The following PTPRD variants were observed in gnomAD, a reference collection of about 807,000 sequenced individuals.
PTPRD encodes the protein protein tyrosine phosphatase receptor type D.
A neutral mutation model predicts 214.5 loss-of-function variants in PTPRD; 34 were observed. The ratio of observed to expected loss-of-function variants is 0.16; its 90% confidence interval spans 0.12 to 0.21. The LOEUF is 0.21. Ranked by LOEUF, PTPRD falls within the 10% of genes least tolerant of loss-of-function variation. The pLI is 1.00. For synonymous variants in PTPRD, 1,128 were observed against 845.7 expected (o/e 1.33, Z -5.79); for missense variants, 2,545 against 2,398.7 (o/e 1.06, Z -1.27).
At chr9:9,140,137 A>G (rs1213013322) in intron 10 of PTPRD, among the ~76,000 whole-genome samples, 1 of 152,092 alleles carries the variant, frequency 6.6e-6, no homozygotes, top group African/African-American at 2.4e-5. Flanking sequence ...ACTATTAGGA[A>G]CTAAAGAAAA....
chr9:8,370,237 CAT>C (rs977579355), intron 39 of PTPRD, among the ~76,000 whole-genome samples: 67 of 44,540 alleles, frequency 1.5e-3, no homozygotes, highest in African/African-American at 2.5e-3. Flanking sequence ...CACACACACA[CAT>C]ATATATATAT....
intron 2 of PTPRD, among the ~76,000 whole-genome samples, chr9:10,429,267 A>T (rs922121357): frequency 6.6e-6 from 1 of 151,940 alleles, no homozygotes; most frequent in African/African-American, 2.4e-5. Context: ...TATGGAAAAA[A>T]AGTATGAAGA....
At chr9:8,858,816 C>CACACACACACACACAT (rs2098022979) in intron 11 of PTPRD, among the ~76,000 whole-genome samples, 1 of 146,482 alleles carries the variant, frequency 6.8e-6, no homozygotes, top group Non-Finnish European at 1.5e-5. Flanking sequence ...CACACACACA[C>CACACACACACACACAT]ACACACACAC....
chr9:9,797,011 A>C (rs141398171), intron 5 of PTPRD, among the ~76,000 whole-genome samples: 180 of 152,280 alleles, frequency 1.2e-3, no homozygotes, highest in African/African-American at 4.2e-3. Flanking sequence ...ATAGAGATGG[A>C]AGATTGAACA....
intron 9 of PTPRD, among the ~76,000 whole-genome samples, chr9:9,331,073 C>T (rs1188366896): frequency 1.3e-5 from 2 of 151,956 alleles, no homozygotes; most frequent in Admixed American, 6.6e-5. Context: ...ACATGAAGAC[C>T]TGCAGTTGGG....
intron 9 of PTPRD, among the ~76,000 whole-genome samples, chr9:9,340,253 T>A (rs536044445): frequency 6.6e-6 from 1 of 152,162 alleles, no homozygotes; most frequent in South Asian, 2.1e-4. Context: ...AAAACAGATG[T>A]TGCATCAGAA....
chr9:9,716,462 T>C (rs1243048006), intron 7 of PTPRD, among the ~76,000 whole-genome samples: 1 of 151,906 alleles, frequency 6.6e-6, no homozygotes, highest in East Asian at 1.9e-4. Context: ...TAGTTTACAG[T>C]CCCACCAACA....
intron 3 of PTPRD, among the ~76,000 whole-genome samples, chr9:10,312,805 T>G (rs2154419053): frequency 6.6e-6 from 1 of 151,990 alleles, no homozygotes; most frequent in African/African-American, 2.4e-5. Context: ...AAAGAGAAAT[T>G]TTGTTGTATT....
rs78176293 is a variant in PTPRD at position 8,373,691 on chromosome 9, C to T, written c.4661+2245G>A. The stretch of plus-strand genomic sequence containing the variant: ...AAATAAGGCATTACAGCTATTTAAT[C>T]TTATCTCTCATATTTGCTATTTGCT... On this transcript the variant is annotated intron_variant, in intron 39 of 45. Coordinates refer to ENST00000381196, the MANE Select transcript of PTPRD (RefSeq NM_002839.4). Among the ~76,000 whole-genome samples, 378 of 149,344 alleles carry T rather than the reference C, an allele frequency of 2.5e-3. 9 individuals are homozygous for T. The East Asian group carries it at 0.071, about 28-fold the overall frequency.
chr9:9,635,489 C>G (rs776701809), intron 7 of PTPRD, among the ~76,000 whole-genome samples: 4 of 152,276 alleles, frequency 2.6e-5, no homozygotes, highest in Admixed American at 6.5e-5. Context: ...TGATTGGTCA[C>G]TCAGTTTCAT....
chr9:9,282,513 C>T (rs532584263), intron 9 of PTPRD, among the ~76,000 whole-genome samples: 1 of 151,438 alleles, frequency 6.6e-6, no homozygotes, highest in South Asian at 2.1e-4. Context: ...TTTTTCTGCT[C>T]TTGTTTATGT....
intron 5 of PTPRD, among the ~76,000 whole-genome samples, chr9:9,898,624 G>T (rs140358266): frequency 1.3e-3 from 202 of 152,172 alleles, no homozygotes; most frequent in African/African-American, 4.8e-3. Flanking sequence ...TGTGGTTGCT[G>T]CACTGAAGTG....
chr9:9,060,624 T>C (rs1180390220), intron 10 of PTPRD, among the ~76,000 whole-genome samples: 4 of 152,012 alleles, frequency 2.6e-5, no homozygotes, highest in South Asian at 2.1e-4. Context: ...AGATAGTATA[T>C]AGTGATATCC....
chr9:10,107,938 T>A (rs2098650906), intron 3 of PTPRD, among the ~76,000 whole-genome samples: 1 of 152,238 alleles, frequency 6.6e-6, no homozygotes, highest in Admixed American at 6.5e-5. Flanking sequence ...ATTTCTTTAG[T>A]GTAAAAGTCA....
chr9:9,337,420 A>T lies in PTPRD; in HGVS notation c.-203+60029T>A, dbSNP rs935443411. On this transcript the variant is annotated intron_variant, in intron 9 of 45. Transcript: ENST00000381196. Reference sequence around the variant, plus strand: ...TTAACAAGAGCCATTCAAATCATCTAACTCTTCTTGTTCTGATTTTATGCA... The same window carrying T: ...TTAACAAGAGCCATTCAAATCATCTTACTCTTCTTGTTCTGATTTTATGCA... Among the ~76,000 whole-genome samples the T allele has an allele frequency of 7.2e-5, 11 of 152,258 alleles. No homozygotes were observed. In the East Asian group the frequency reaches 2.1e-3, roughly 29 times the overall value.
At chr9:9,739,773 A>G (rs1189749202) in intron 6 of PTPRD, among the ~76,000 whole-genome samples, 1 of 151,866 alleles carries the variant, frequency 6.6e-6, no homozygotes, top group Non-Finnish European at 1.5e-5. Context: ...GGTCCTTCCT[A>G]ACTTGTTGAG....
intron 8 of PTPRD, among the ~76,000 whole-genome samples, chr9:9,429,327 T>C (rs561210091): frequency 7.9e-5 from 12 of 152,228 alleles, no homozygotes; most frequent in African/African-American, 2.9e-4. Context: ...CCTGGACACA[T>C]ACACCCTCCC....
intron 3 of PTPRD, among the ~76,000 whole-genome samples, chr9:10,292,001 T>A (rs1046323878): frequency 2.6e-5 from 4 of 152,056 alleles, no homozygotes; most frequent in Non-Finnish European, 4.4e-5. Flanking sequence ...CCTTCTAAAT[T>A]TCCATGCACT....
intron 10 of PTPRD, among the ~76,000 whole-genome samples, chr9:9,134,184 T>C (rs2099847335): frequency 1.4e-5 from 2 of 143,056 alleles, no homozygotes; most frequent in Non-Finnish European, 1.5e-5. Context: ...GCCATTCTCC[T>C]GCCTCAGCCT....
Sources: gnomAD v4.1 joint callset for allele counts (sites outside exome capture counted in the v4.1 genomes callset) on GRCh38, gnomAD v4.1.1 for gene constraint, MANE v1.5 for transcripts, NCBI Gene and HGNC (gene_info 2026-07-23, HGNC 2026-07-21) for gene names.